Variants in RYR3 observed in about 807,000 individuals in gnomAD.
RYR3 encodes the protein ryanodine receptor 3, also known as brain ryanodine receptor-calcium release channel.
In RYR3, 207 loss-of-function variants were observed where a neutral mutation model predicts 584.3. The observed-to-expected ratio is 0.35, with a 90% CI of 0.32 to 0.40. The LOEUF (loss-of-function observed/expected upper bound fraction) is 0.40. RYR3 is among the 10% of genes least tolerant of loss of function. RYR3 has a pLI of 1.00. For synonymous variants in RYR3, 2,416 were observed against 2,248.5 expected, an observed-to-expected ratio of 1.07 and a Z score of -2.11; for missense variants, 5,616 against 6,089.2, an observed-to-expected ratio of 0.92 and a Z score of 2.59.
intron 75 of RYR3, among the ~76,000 whole-genome samples, chr15:33,818,103 A>G (rs950706970): frequency 6.6e-5 from 10 of 152,202 alleles, no homozygotes; most frequent in African/African-American, 2.4e-4. Flanking sequence ...GAATAGTATT[A>G]GACCCAAAAT....
intron 1 of RYR3, among the ~76,000 whole-genome samples, chr15:33,370,633 T>C (rs2040265941): frequency 6.6e-6 from 1 of 152,250 alleles, no homozygotes; most frequent in African/African-American, 2.4e-5. Context: ...TAGCTAGGCA[T>C]TTTAAGAAGA....
intron 99 of RYR3, chr15:33,858,236 C>G (rs1331594857): frequency 1.6e-5 from 4 of 245,726 alleles, no homozygotes; most frequent in Non-Finnish European, 3.2e-5. Flanking sequence ...TGGAGTTTTG[C>G]TTTTGTCGCC....
chr15:33,634,392 T>C (rs768157519), intron 24 of RYR3, among the ~76,000 whole-genome samples, 194 bp from the exon 25 acceptor site: 2 of 152,186 alleles, frequency 1.3e-5, no homozygotes, highest in Non-Finnish European at 2.9e-5. Context: ...TAGTAAAATG[T>C]TTCCATTTAT....
rs757370991 is a variant in RYR3, at chr15:33,789,986, C to CTTTTT, written c.9830+1547_9830+1551dup. ...GGCGTGAGCCACCACGCCTGGCCTTCTTTTTTTTTTTTTTTTTTTTTTTGA... is the reference window on the plus strand; with the variant it reads ...GGCGTGAGCCACCACGCCTGGCCTTCTTTTTTTTTTTTTTTTTTTTTTTTTTTTGA... On this transcript the variant is annotated intron_variant, in intron 67 of 103. Transcript: ENST00000634891. Among the ~76,000 whole-genome samples the CTTTTT allele has an allele frequency of 5.1e-3, 270 of 53,250 alleles. 72 individuals carry two copies. The highest frequency in any genetic ancestry group is 0.026 in the African/African-American group (242 of 9,422). 34.9% of individuals were successfully genotyped at this position (53,250 alleles called of 152,430 possible). A position where few individuals can be genotyped will look rare whatever the true frequency, so the allele number is the denominator to read the frequency against.
intron 74 of RYR3, among the ~76,000 whole-genome samples, chr15:33,816,302 T>G (rs953635832): frequency 1.3e-5 from 2 of 152,234 alleles, no homozygotes; most frequent in Non-Finnish European, 2.9e-5. Context: ...CTAGAATCCA[T>G]GCGGCACACA....
intron 4 of RYR3, among the ~76,000 whole-genome samples, chr15:33,532,816 A>G (rs990670881): frequency 6.6e-6 from 1 of 152,192 alleles, no homozygotes; most frequent in Non-Finnish European, 1.5e-5. Flanking sequence ...TTTTAAGTGT[A>G]TTGTAAAAGT....
chr15:33,820,615 T>C, intron 77 of RYR3, 141 bp from the exon 78 acceptor site: 2 of 656,970 alleles, frequency 3.0e-6, no homozygotes, highest in Non-Finnish European at 5.2e-6. Flanking sequence ...GTGGCCAAAA[T>C]GTTCCTGGCT....
chr15:33,539,512 T>A, intron 6 of RYR3, 50 bp downstream of exon 6: 1 of 1,142,300 alleles, frequency 8.8e-7, no homozygotes, highest in Non-Finnish European at 1.3e-6. Context: ...ATTTTTCCTT[T>A]AGGAATAGAT....
chr15:33,383,093 C>T (rs990429940), intron 1 of RYR3, among the ~76,000 whole-genome samples: 3 of 151,868 alleles, frequency 2.0e-5, no homozygotes, highest in Non-Finnish European at 2.9e-5. Context: ...AGAAGTGCCT[C>T]ATGGAGGCAG....
At chr15:33,712,748 GTT>G (rs552892800) in intron 43 of RYR3, among the ~76,000 whole-genome samples, 1 of 152,326 alleles carries the variant, frequency 6.6e-6, no homozygotes, top group East Asian at 1.9e-4. Flanking sequence ...TTACAGAAGA[GTT>G]TGGAGTAGAG....
intron 1 of RYR3, among the ~76,000 whole-genome samples, chr15:33,376,344 C>G (rs1226951130): frequency 6.6e-6 from 1 of 152,078 alleles, no homozygotes; most frequent in Non-Finnish European, 1.5e-5. Flanking sequence ...TATGAATATC[C>G]AACAACTTGC....
At chr15:33,432,898 T>C (rs2141756602) in intron 1 of RYR3, among the ~76,000 whole-genome samples, 1 of 152,270 alleles carries the variant, frequency 6.6e-6, no homozygotes, top group South Asian at 2.1e-4. Flanking sequence ...GAAGTCAGGA[T>C]AGAAAAATCA....
intron 23 of RYR3, among the ~76,000 whole-genome samples, chr15:33,632,402 G>T (rs545604602): frequency 6.6e-6 from 1 of 152,328 alleles, no homozygotes; most frequent in Admixed American, 6.5e-5. Flanking sequence ...GACATTTGAG[G>T]CTGTAACTCT....
At chr15:33,473,371 G>A (rs1226657223) in intron 1 of RYR3, 48 bp from the exon 2 acceptor site, 1 of 1,611,608 alleles carries the variant, frequency 6.2e-7, no homozygotes, top group Non-Finnish European at 8.5e-7. Context: ...TCGGGGCCTG[G>A]CTCAGCAGTT....
At chr15:33,763,902 A>AC (rs1567121740) in intron 60 of RYR3, among the ~76,000 whole-genome samples, 4 of 132,730 alleles carry the variant, frequency 3.0e-5, no homozygotes, top group African/African-American at 1.2e-4. Flanking sequence ...CAAAAAAAAA[A>AC]AAAAAAAAAA....
intron 70 of RYR3, among the ~76,000 whole-genome samples, chr15:33,808,843 C>G (rs550517982): frequency 6.6e-6 from 1 of 152,230 alleles, no homozygotes; most frequent in South Asian, 2.1e-4. Context: ...TTCTTACTGC[C>G]CCTCCCACTG....
chr15:33,794,745 C>A (rs2075490552), intron 67 of RYR3, among the ~76,000 whole-genome samples: 1 of 152,164 alleles, frequency 6.6e-6, no homozygotes, highest in Non-Finnish European at 1.5e-5. Flanking sequence ...GAAATACAGG[C>A]TTCCAACATG....
intron 10 of RYR3, among the ~76,000 whole-genome samples, chr15:33,562,187 G>A (rs950902157): frequency 2.0e-5 from 3 of 152,194 alleles, no homozygotes; most frequent in Non-Finnish European, 2.9e-5. Context: ...TGGTGCACAG[G>A]AAGTCCCTTT....
At chr15:33,341,500 C>G (rs1971817305) in intron 1 of RYR3, among the ~76,000 whole-genome samples, 1 of 152,168 alleles carries the variant, frequency 6.6e-6, no homozygotes, top group Admixed American at 6.5e-5. Context: ...TAACATCTTG[C>G]ATCCTTTCTC....
Sources: gnomAD v4.1 joint callset for allele counts (sites outside exome capture counted in the v4.1 genomes callset) on GRCh38, gnomAD v4.1.1 for gene constraint, MANE v1.5 for transcripts, NCBI Gene and HGNC (gene_info 2026-07-23, HGNC 2026-07-21) for gene names.